Variants in NCKAP5 observed in about 807,000 individuals in gnomAD.
NCKAP5 encodes the protein nck-associated protein 5.
A neutral mutation model predicts 167.0 loss-of-function variants in NCKAP5; 92 were observed. The observed-to-expected ratio is 0.55, with a 90% confidence interval of 0.47 to 0.66. The LOEUF (loss-of-function observed/expected upper bound fraction) is 0.66, where lower values mean the gene tolerates loss of function less well. NCKAP5 is among the 30% of genes least tolerant of loss of function. NCKAP5 has a pLI of 0.00. For synonymous variants in NCKAP5, 891 were observed against 877.4 expected (o/e 1.02, Z -0.27); for missense variants, 2,378 against 2,315.0 (o/e 1.03, Z -0.56).
intron 12 of NCKAP5, among the ~76,000 whole-genome samples, chr2:132,793,335 T>C (rs1010816056): frequency 4.6e-5 from 7 of 152,094 alleles, no homozygotes; most frequent in Admixed American, 4.6e-4. Context: ...TGGCAGATAC[T>C]TGAGGGAGGT....
At chr2:132,724,535 C>T (rs540158305) in intron 19 of NCKAP5, among the ~76,000 whole-genome samples, 23 of 152,094 alleles carry the variant, frequency 1.5e-4, no homozygotes, top group Middle Eastern at 3.4e-3. Context: ...GATTAGGAGC[C>T]GGCATCATCC....
chr2:133,380,930 G>T (rs988984638), intron 3 of NCKAP5, among the ~76,000 whole-genome samples: 4 of 152,162 alleles, frequency 2.6e-5, no homozygotes, highest in Non-Finnish European at 4.4e-5. Flanking sequence ...TACATATACT[G>T]CAGGAAGTGC....
At chr2:133,054,735 G>A (rs2079734095) in intron 6 of NCKAP5, among the ~76,000 whole-genome samples, 1 of 152,160 alleles carries the variant, frequency 6.6e-6, no homozygotes, top group African/African-American at 2.4e-5. Context: ...TCCTCACATG[G>A]TAGAATGACA....
chr2:133,096,719 A>G (rs1315318060), intron 6 of NCKAP5, among the ~76,000 whole-genome samples: 1 of 152,112 alleles, frequency 6.6e-6, no homozygotes, highest in Admixed American at 6.5e-5. Context: ...GGTGGAAGTA[A>G]AACTGAAATA....
intron 16 of NCKAP5, among the ~76,000 whole-genome samples, chr2:132,749,700 A>AT (rs201181718): frequency 0.025 from 3,781 of 148,456 alleles, 88 homozygotes; most frequent in Middle Eastern, 0.062. Flanking sequence ...TAAAGGTAGC[A>AT]TTTTTTTTTT....
At chr2:133,296,184 G>T (rs1383963129) in intron 4 of NCKAP5, among the ~76,000 whole-genome samples, 2 of 152,142 alleles carry the variant, frequency 1.3e-5, no homozygotes, top group African/African-American at 2.4e-5. Context: ...TTCAGACCCT[G>T]CATTCTCATG....
chr2:133,245,564 T>A (rs574050270), intron 4 of NCKAP5, among the ~76,000 whole-genome samples: 13 of 152,288 alleles, frequency 8.5e-5, no homozygotes, highest in African/African-American at 2.4e-4. Flanking sequence ...GTGTTTTCAC[T>A]TTGTGAAAAA....
At chr2:133,492,373 T>G (rs1355722461) in intron 3 of NCKAP5, among the ~76,000 whole-genome samples, 1 of 152,182 alleles carries the variant, frequency 6.6e-6, no homozygotes, top group Non-Finnish European at 1.5e-5. Flanking sequence ...GAAGACAGTG[T>G]TTGGGAACAG....
chr2:133,278,107 C>T (rs1271523772), intron 4 of NCKAP5, among the ~76,000 whole-genome samples: 4 of 152,174 alleles, frequency 2.6e-5, no homozygotes, highest in African/African-American at 9.6e-5. Flanking sequence ...GACTCAAACT[C>T]CAGATGCCAT....
chr2:132,854,147 CAAGAA>C (rs879581033), intron 11 of NCKAP5, among the ~76,000 whole-genome samples: 1 of 152,122 alleles, frequency 6.6e-6, no homozygotes, highest in Non-Finnish European at 1.5e-5. Context: ...CCAAATCAAG[CAAGAA>C]AAGAGTAGGA....
At chr2:133,666,455 C>T in the NCKAP5 span, among the ~76,000 whole-genome samples, 8 of 151,934 alleles carry the variant, frequency 5.3e-5, no homozygotes, top group Admixed American at 4.6e-4. Flanking sequence ...ACCTCAGCCT[C>T]CCGAAGTGCT....
intron 3 of NCKAP5, among the ~76,000 whole-genome samples, chr2:133,325,810 T>C (rs550409649): frequency 2.0e-5 from 3 of 152,324 alleles, no homozygotes; most frequent in South Asian, 4.1e-4. Flanking sequence ...GCATCTCTGC[T>C]AGCCTTGGCC....
chr2:133,234,388 A>C (rs2087296761), intron 4 of NCKAP5, among the ~76,000 whole-genome samples: 2 of 152,198 alleles, frequency 1.3e-5, no homozygotes, highest in Admixed American at 6.5e-5. Context: ...ATAACCATTA[A>C]ACAAAATGTA....
At chr2:133,376,211 T>C (rs185391584) in intron 3 of NCKAP5, among the ~76,000 whole-genome samples, 3 of 152,316 alleles carry the variant, frequency 2.0e-5, no homozygotes, top group Admixed American at 6.5e-5. Flanking sequence ...ATTGAGAATA[T>C]TCAAACCTAA....
intron 8 of NCKAP5, among the ~76,000 whole-genome samples, chr2:132,888,036 T>C (rs987131141): frequency 2.0e-5 from 3 of 152,222 alleles, no homozygotes; most frequent in Non-Finnish European, 4.4e-5. Flanking sequence ...AGTAGTTTCA[T>C]GAGTATTATT....
At chr2:132,761,074 T>C (rs1379189510) in intron 16 of NCKAP5, among the ~76,000 whole-genome samples, 2 of 152,172 alleles carry the variant, frequency 1.3e-5, no homozygotes, top group Non-Finnish European at 2.9e-5. Context: ...CAGCTATTGT[T>C]AAGACAGCGT....
intron 3 of NCKAP5, among the ~76,000 whole-genome samples, chr2:133,468,078 T>C (rs1468322046): frequency 8.3e-6 from 1 of 120,710 alleles, no homozygotes; most frequent in Non-Finnish European, 1.7e-5. Context: ...GCTCTTGCTT[T>C]TCTAGTTCTT....
intron 6 of NCKAP5, among the ~76,000 whole-genome samples, chr2:133,020,154 G>A (rs2078476391): frequency 6.6e-6 from 1 of 152,228 alleles, no homozygotes; most frequent in Non-Finnish European, 1.5e-5. Flanking sequence ...GTAGACATTG[G>A]AGCCACCAAA....
At chr2:133,025,756 A>C (rs911751248) in intron 6 of NCKAP5, among the ~76,000 whole-genome samples, 1 of 152,186 alleles carries the variant, frequency 6.6e-6, no homozygotes, top group Non-Finnish European at 1.5e-5. Flanking sequence ...CAAAAGATTC[A>C]AGTTCATTCT....
Sources: gnomAD v4.1 joint callset for allele counts (sites outside exome capture counted in the v4.1 genomes callset) on GRCh38, gnomAD v4.1.1 for gene constraint, MANE v1.5 for transcripts, NCBI Gene and HGNC (gene_info 2026-07-23, HGNC 2026-07-21) for gene names.